PLEKHS1: variants seen among roughly 807,000 people sequenced by gnomAD.
The protein encoded by PLEKHS1 is pleckstrin homology domain containing S1, also known as pleckstrin homology domain-containing family S member 1.
Under a neutral mutation model 51.0 loss-of-function variants are expected in PLEKHS1, and 55 were observed. That is an observed-to-expected ratio of 1.08 (90% CI 0.87 to 1.35). PLEKHS1 has a LOEUF of 1.35. Ranked by LOEUF, PLEKHS1 falls within the 40% of genes most tolerant of loss-of-function variation. PLEKHS1 has a pLI of 0.00. For synonymous variants in PLEKHS1, 153 were observed against 144.8 expected (o/e 1.06, Z -0.41); for missense variants, 398 against 423.0 (o/e 0.94, Z 0.52).
intron 2 of PLEKHS1, among the ~76,000 whole-genome samples, chr10:113,765,713 T>C (rs2134513212): frequency 6.6e-6 from 1 of 152,360 alleles, no homozygotes. Context: ...AAACACAATG[T>C]TGTTAAACAC....
intron 11 of PLEKHS1, 76 bp downstream of exon 11, chr10:113,775,942 A>T: frequency 1.7e-6 from 2 of 1,148,310 alleles, no homozygotes; most frequent in South Asian, 1.6e-5. Flanking sequence ...ATCTTGAAAC[A>T]GTGTATTTGG....
At chr10:113,769,856 G>C in exon 7 of PLEKHS1, 1 of 1,614,046 alleles carries the variant, frequency 6.2e-7, no homozygotes, top group Non-Finnish European at 8.5e-7. Flanking sequence ...CAGCACATCA[G>C]AGGCTGTTGG....
chr10:113,766,650 T>A, exon 4 of PLEKHS1: 1 of 1,612,546 alleles, frequency 6.2e-7, no homozygotes, highest in Non-Finnish European at 8.5e-7. Flanking sequence ...TGTCAAAGGC[T>A]GGGGAAAAGA....
rs143752924 is a variant in PLEKHS1, at chr10:113,768,188, C to G, written c.360-627C>G. 4.4e-3 allele frequency among the ~76,000 whole-genome samples: 665 copies of G among 152,128 alleles called. 5 individuals are homozygous for G. Among genetic ancestry groups the G allele is most frequent in the African/African-American group, 0.015 (637 of 41,508 alleles). On this transcript the variant is annotated intron_variant, in intron 5 of 11. Coordinates refer to ENST00000361048, the Ensembl canonical transcript of PLEKHS1. The stretch of plus-strand genomic sequence containing the variant: ...ATATTAGGGAGGAACTAGGCTTGCC[C>G]CCAAAGTAGTCTGCAGTTTTTAAGA...
In PLEKHS1 at chr10:113,774,809, A is replaced by C. The variant is rs767783784; in HGVS notation, c.780-17A>C. ...CACATGCTAAAATAGGGCTTGTTTT[A>C]ACTTCTTATGCTCTAGTTTTTTCAA... On this transcript the variant is annotated splice_polypyrimidine_tract_variant and intron_variant, in intron 9 of 11. Coordinates refer to ENST00000361048, the Ensembl canonical transcript of PLEKHS1. 102 of 1,606,484 alleles carry C rather than the reference A, an allele frequency of 6.3e-5. No homozygotes were observed. In the Middle Eastern group the frequency reaches 1.3e-3, roughly 21 times the overall value.
chr10:113,773,684 G>A (rs190198002), intron 8 of PLEKHS1, among the ~76,000 whole-genome samples: 7 of 152,298 alleles, frequency 4.6e-5, no homozygotes, highest in Admixed American at 2.6e-4. Flanking sequence ...TGGGTTAACG[G>A]TGAACTTAGG....
At chr10:113,763,688 A>C (rs1229832152) in intron 2 of PLEKHS1, among the ~76,000 whole-genome samples, 1 of 152,216 alleles carries the variant, frequency 6.6e-6, no homozygotes, top group African/African-American at 2.4e-5. Flanking sequence ...ATTCACATAT[A>C]ATAAAAGAAC....
rs777847292 is a variant in PLEKHS1, at chr10:113,775,759, T to G, written c.990-6T>G. The G allele has an allele frequency of 1.9e-6, 3 of 1,606,490 alleles. No individual in the cohort carries two copies. Among genetic ancestry groups the G allele is most frequent in the Non-Finnish European group, 2.6e-6 (3 of 1,174,556 alleles). ...GATGTGACTTTTACAAATGTCTTGT[T>G]CATAGTAATATCCCCGATGAAAGCC... On this transcript the variant is annotated splice_polypyrimidine_tract_variant and splice_region_variant and intron_variant, in intron 10 of 11. Transcript: ENST00000361048.
At chr10:113,754,504 G>A (rs1197725658) in intron 1 of PLEKHS1, among the ~76,000 whole-genome samples, 1 of 152,112 alleles carries the variant, frequency 6.6e-6, no homozygotes, top group Non-Finnish European at 1.5e-5. Context: ...CAGGAGTCTT[G>A]CTCTGTCGCC....
intron 2 of PLEKHS1, among the ~76,000 whole-genome samples, chr10:113,756,455 T>G (rs1164943720): frequency 6.6e-6 from 1 of 152,126 alleles, no homozygotes; most frequent in Non-Finnish European, 1.5e-5. Flanking sequence ...AGCGAGACTC[T>G]GTCTCAAAAA....
intron 2 of PLEKHS1, among the ~76,000 whole-genome samples, chr10:113,759,567 T>A (rs1247269251): frequency 3.3e-5 from 5 of 152,214 alleles, no homozygotes; most frequent in Non-Finnish European, 5.9e-5. Flanking sequence ...TCACTCAGCA[T>A]AATTTTTTAA....
intron 2 of PLEKHS1, among the ~76,000 whole-genome samples, chr10:113,765,980 C>A (rs193208000): frequency 6.6e-6 from 1 of 152,328 alleles, no homozygotes; most frequent in East Asian, 1.9e-4. Flanking sequence ...ACTCCTTTTC[C>A]AACTTCTGCA....
At chr10:113,769,791 T>G in exon 7 of PLEKHS1, 1 of 1,609,838 alleles carries the variant, frequency 6.2e-7, no homozygotes, top group Non-Finnish European at 8.5e-7. Context: ...CAGGAGGAAC[T>G]CTCATTGGGT....
chr10:113,758,182 C>G (rs1436832990), intron 2 of PLEKHS1, among the ~76,000 whole-genome samples: 1 of 152,168 alleles, frequency 6.6e-6, no homozygotes, highest in Non-Finnish European at 1.5e-5. Flanking sequence ...TGAATCCTTT[C>G]CAGAAGGTTT....
chr10:113,765,084 G>A, intron 2 of PLEKHS1: 1 of 323,994 alleles, frequency 3.1e-6, no homozygotes, highest in South Asian at 8.5e-5. Flanking sequence ...TATTGATCAT[G>A]TTTTCCTTCC....
intron 1 of PLEKHS1, among the ~76,000 whole-genome samples, chr10:113,753,003 C>T (rs2134453224): frequency 6.6e-6 from 1 of 152,218 alleles, no homozygotes; most frequent in Non-Finnish European, 1.5e-5. Flanking sequence ...CCATTCTGAA[C>T]ACAAAAAAAT....
chr10:113,779,438 C>T (rs190952067), intron 11 of PLEKHS1, among the ~76,000 whole-genome samples: 106 of 152,120 alleles, frequency 7.0e-4, no homozygotes, highest in African/African-American at 2.4e-3. Context: ...GGCATGGTGG[C>T]GGGTGCCTGT....
At chr10:113,761,023 A>C (rs1462941723) in intron 2 of PLEKHS1, among the ~76,000 whole-genome samples, 1 of 152,166 alleles carries the variant, frequency 6.6e-6, no homozygotes, top group Non-Finnish European at 1.5e-5. Context: ...TTTGCATGTG[A>C]ATACTCAGTT....
chr10:113,775,086 C>T (rs1413524765), intron 10 of PLEKHS1, 51 bp downstream of exon 10: 1 of 1,468,914 alleles, frequency 6.8e-7, no homozygotes, highest in Non-Finnish European at 9.3e-7. Flanking sequence ...AAGGCAGCCT[C>T]CCTCCCACTT....
Sources: gnomAD v4.1 joint callset for allele counts (sites outside exome capture counted in the v4.1 genomes callset) on GRCh38, gnomAD v4.1.1 for gene constraint, MANE v1.5 for transcripts, NCBI Gene and HGNC (gene_info 2026-07-23, HGNC 2026-07-21) for gene names.